The following RBFOX2 variants were observed in gnomAD, a reference collection of about 807,000 sequenced individuals.
RBFOX2 encodes RNA binding protein fox-1 homolog 2.
RBFOX2 carries 10 observed loss-of-function variants against 49.1 expected under a neutral mutation model. That is an observed-to-expected ratio of 0.20 (90% CI 0.13 to 0.35). The LOEUF (loss-of-function observed/expected upper bound fraction) is 0.35, where lower values mean the gene tolerates loss of function less well. Ranked by LOEUF, RBFOX2 falls within the 10% of genes least tolerant of loss-of-function variation. The pLI, the probability that RBFOX2 is intolerant of heterozygous loss-of-function variation, is 1.00. For synonymous variants in RBFOX2, 183 were observed against 187.4 expected (o/e 0.98, Z 0.19); for missense variants, 323 against 486.9 (o/e 0.66, Z 3.17).
intron 1 of RBFOX2, among the ~76,000 whole-genome samples, chr22:35,977,729 T>TATATAG (rs1569517049): frequency 4.3e-4 from 13 of 30,242 alleles, no homozygotes; most frequent in African/African-American, 1.1e-3. Flanking sequence ...GAACTATATA[T>TATATAG]ATATATATAT....
intron 1 of RBFOX2, among the ~76,000 whole-genome samples, chr22:35,853,305 AAAAG>A (rs1041731504): frequency 4.6e-5 from 7 of 151,746 alleles, no homozygotes; most frequent in South Asian, 4.2e-4. Flanking sequence ...AAAAAAAAAA[AAAAG>A]AAAGAAAGAA....
At position 35,761,470 on chromosome 22, in the gene RBFOX2, T is replaced by C; in HGVS notation, c.608-2A>G. ...CAACTACTGGGCTTAATTTCCAACC[T>C]GAAACACACAAAATGGAAGGTAAGC... On this transcript the variant is annotated splice_acceptor_variant, in intron 6 of 11. Transcript: ENST00000405409. LOFTEE classifies it high-confidence loss of function. 6.2e-7 allele frequency: 1 copy of C among 1,613,986 alleles called. No individual in the cohort carries two copies. Among genetic ancestry groups the C allele is most frequent in the Non-Finnish European group, 8.5e-7 (1 of 1,179,878 alleles).
intron 1 of RBFOX2, chr22:35,992,772 C>T (rs2058035846): frequency 6.6e-6 from 1 of 152,186 alleles, no homozygotes; most frequent in African/African-American, 2.4e-5. Context: ...AAAAACAAAA[C>T]AGCTACAAGA....
At chr22:35,959,195 T>C (rs2055929505) in intron 1 of RBFOX2, among the ~76,000 whole-genome samples, 1 of 152,222 alleles carries the variant, frequency 6.6e-6, no homozygotes, top group Admixed American at 6.5e-5. Context: ...AGATAATTGA[T>C]ATACATTATT....
At chr22:35,997,730 C>T (rs566579556) in intron 1 of RBFOX2, 1 of 152,274 alleles carries the variant, frequency 6.6e-6, no homozygotes, top group Non-Finnish European at 1.5e-5. Flanking sequence ...GTGGCTCACA[C>T]CTATAATCCT....
At chr22:35,779,915 T>C (rs1944751640) in intron 3 of RBFOX2, among the ~76,000 whole-genome samples, 1 of 152,212 alleles carries the variant, frequency 6.6e-6, no homozygotes, top group South Asian at 2.1e-4. Context: ...ATGGACACTA[T>C]TTCTCTGACT....
At chr22:35,848,587 A>G (rs1385598758) in intron 1 of RBFOX2, among the ~76,000 whole-genome samples, 2 of 152,340 alleles carry the variant, frequency 1.3e-5, no homozygotes, top group East Asian at 1.9e-4. Flanking sequence ...AAAATACCTA[A>G]TAAGATGTAC....
At chr22:35,872,550 G>A (rs12166751) in intron 1 of RBFOX2, among the ~76,000 whole-genome samples, 3,600 of 152,298 alleles carry the variant, frequency 0.024, 151 homozygotes, top group African/African-American at 0.082. Flanking sequence ...CAATGTGGGA[G>A]CCAGAAGGGA....
rs993475570 is a variant in RBFOX2 at position 35,897,106 on chromosome 22, G to A, written c.-34+41741C>T. On this transcript the variant is annotated intron_variant, in intron 1 of 13. Coordinates refer to the RBFOX2 transcript ENST00000359369. Reference sequence around the variant, plus strand: ...TTCTTTGAAGAGTCTTTTATTACTCGACACTCATTCTTTTTTTTTCTTTTT... The same window carrying A: ...TTCTTTGAAGAGTCTTTTATTACTCAACACTCATTCTTTTTTTTTCTTTTT... 3.3e-5 allele frequency among the ~76,000 whole-genome samples: 5 copies of A among 152,094 alleles called. 1 individual carries two copies. The highest frequency in any genetic ancestry group is 1.2e-4 in the African/African-American group (5 of 41,492).
chr22:35,784,779 G>A (rs533421761), intron 2 of RBFOX2, among the ~76,000 whole-genome samples: 4 of 152,176 alleles, frequency 2.6e-5, no homozygotes, highest in Non-Finnish European at 4.4e-5. Context: ...CTTTTGCCCC[G>A]GGAGGCCCGC....
At chr22:35,889,235 C>T (rs1220701640) in intron 1 of RBFOX2, among the ~76,000 whole-genome samples, 11 of 152,090 alleles carry the variant, frequency 7.2e-5, no homozygotes, top group Non-Finnish European at 1.3e-4. Flanking sequence ...CTCCCTAGAC[C>T]GTTATCATTT....
chr22:35,897,595 C>A lies in RBFOX2; in HGVS notation c.-34+41252G>T, dbSNP rs565131178. On this transcript the variant is annotated intron_variant, in intron 1 of 13. Coordinates refer to the RBFOX2 transcript ENST00000359369. ...CTTCACCAGGTCAAAGAGGAGATAT[C>A]GATTTGGCCCAACGAAAGCAAAGGT... 1,085 of 1,073,502 alleles carry A rather than the reference C, an allele frequency of 1.0e-3. 8 individuals are homozygous for A. Among genetic ancestry groups the A allele is most frequent in the South Asian group, 7.2e-3 (577 of 80,364 alleles). 66.5% of individuals were successfully genotyped at this position (1,073,502 alleles called of 1,614,324 possible). A position where few individuals can be genotyped will look rare whatever the true frequency, so the allele number is the denominator to read the frequency against.
chr22:35,835,364 G>T (rs1957471704), intron 1 of RBFOX2, among the ~76,000 whole-genome samples: 1 of 152,160 alleles, frequency 6.6e-6, no homozygotes, highest in African/African-American at 2.4e-5. Flanking sequence ...ACCATAAACA[G>T]ATGTCCAAGA....
chr22:35,764,131 C>A (rs999830820), intron 6 of RBFOX2, among the ~76,000 whole-genome samples: 10 of 152,086 alleles, frequency 6.6e-5, no homozygotes, highest in Non-Finnish European at 1.0e-4. Context: ...AGGAAAAATG[C>A]AAATTATGCT....
Position 35,759,298 on chromosome 22 carries a change from A to C in RBFOX2, c.887+590T>G, listed in dbSNP as rs1424519554. 6.6e-6 allele frequency among the ~76,000 whole-genome samples: 1 copy of C among 152,196 alleles called. No homozygotes were observed. Among genetic ancestry groups the C allele is most frequent in the Admixed American group, 6.5e-5 (1 of 15,282 alleles). ...ATCATTCAGAAGCCAACTGCAGTTT[A>C]ATTCTTCCTACTTCTCCCTTTCTCC... is the stretch of plus-strand genomic sequence containing the variant. On this transcript the variant is annotated intron_variant, in intron 9 of 11. Transcript: ENST00000405409. The surrounding 1 kb of genome is among the most constrained non-coding windows in gnomAD (Gnocchi z 4.6).
rs182578650 is a variant in RBFOX2 at position 35,980,163 on chromosome 22, C to A, written c.187-41266G>T. ...TGTATAAAAAAAATAGACCAAAGGC[C>A]ACAACGGAATATACTTAGGTCATGT... On this transcript the variant is annotated intron_variant, in intron 1 of 13. Transcript: ENST00000438146. 8.2e-4 allele frequency among the ~76,000 whole-genome samples: 125 copies of A among 152,138 alleles called. 1 individual carries two copies. Among genetic ancestry groups the A allele is most frequent in the South Asian group, 5.8e-3 (28 of 4,820 alleles).
Position 35,822,687 on chromosome 22 carries a change from C to CT in RBFOX2, c.28-12684dup, listed in dbSNP as rs1313343217. On this transcript the variant is annotated intron_variant, in intron 1 of 11. Coordinates refer to ENST00000405409, the Ensembl canonical transcript of RBFOX2. ...ACTAGCAAAGTGCAGAATGCCCTCC[C>CT]TCTCCATCCCCCTAAATATGAGACT... 6 of 366,156 alleles carry CT rather than the reference C, an allele frequency of 1.6e-5. No homozygotes were observed. The Admixed American group carries it at 2.3e-4, about 14-fold the overall frequency. 22.7% of individuals were successfully genotyped at this position (366,156 alleles called of 1,614,324 possible). A position where few individuals can be genotyped will look rare whatever the true frequency, so the allele number is the denominator to read the frequency against.
chr22:36,023,068 A>G (rs1217359037), intron 1 of RBFOX2, among the ~76,000 whole-genome samples: 2 of 149,820 alleles, frequency 1.3e-5, no homozygotes, highest in African/African-American at 4.9e-5. Context: ...TACTTGCAAG[A>G]AAAAAAAAAC....
intron 2 of RBFOX2, among the ~76,000 whole-genome samples, chr22:35,800,967 G>C (rs1046059807): frequency 6.6e-6 from 1 of 152,156 alleles, no homozygotes; most frequent in Non-Finnish European, 1.5e-5. Context: ...GACTTAAACT[G>C]AGTGGGAAAA....
Sources: gnomAD v4.1 joint callset for allele counts (sites outside exome capture counted in the v4.1 genomes callset) on GRCh38, gnomAD v4.1.1 for gene constraint, Gnocchi (gnomAD v3.1) non-coding constraint, MANE v1.5 for transcripts, NCBI Gene and HGNC (gene_info 2026-07-23, HGNC 2026-07-21) for gene names.